NTN1: variants seen among roughly 807,000 people sequenced by gnomAD.
NTN1 encodes the protein netrin 1.
NTN1 carries 11 observed loss-of-function variants against 54.2 expected under a neutral mutation model. That is an observed-to-expected ratio of 0.20 (90% CI 0.13 to 0.34). The LOEUF is 0.34. Ranked by LOEUF, NTN1 falls within the 10% of genes least tolerant of loss-of-function variation. The probability of loss-of-function intolerance (pLI) is 1.00; values close to 1 mark genes in which losing one functional copy is unlikely to be tolerated. For synonymous variants in NTN1, 371 were observed against 382.0 expected, an observed-to-expected ratio of 0.97 and a Z score of 0.33; for missense variants, 740 against 893.1, an observed-to-expected ratio of 0.83 and a Z score of 2.18.
At chr17:9,119,128 C>G (rs2092224336) in intron 2 of NTN1, among the ~76,000 whole-genome samples, 1 of 152,226 alleles carries the variant, frequency 6.6e-6, no homozygotes, top group Non-Finnish European at 1.5e-5. Flanking sequence ...GTTCTGGTTT[C>G]TCCACATCCT....
intron 2 of NTN1, among the ~76,000 whole-genome samples, chr17:9,113,955 G>A (rs995982431): frequency 7.9e-5 from 12 of 151,488 alleles, no homozygotes; most frequent in Non-Finnish European, 1.6e-4. Context: ...TTGAGGTCAG[G>A]AGTTTGAGAC....
At chr17:9,166,876 ACT>A (rs1379249773) in intron 3 of NTN1, among the ~76,000 whole-genome samples, 1 of 152,024 alleles carries the variant, frequency 6.6e-6, no homozygotes, top group Non-Finnish European at 1.5e-5. Flanking sequence ...TGATTGGCTG[ACT>A]CTGGACCTTG....
the NTN1 span, among the ~76,000 whole-genome samples, chr17:9,012,465 C>G: frequency 6.6e-6 from 1 of 151,684 alleles, no homozygotes; most frequent in African/African-American, 2.4e-5. Flanking sequence ...GAGCTGAGAT[C>G]GCACCACTGC....
intron 6 of NTN1, among the ~76,000 whole-genome samples, chr17:9,233,249 C>A (rs1042717848): frequency 6.6e-6 from 1 of 152,098 alleles, no homozygotes; most frequent in Admixed American, 6.5e-5. Flanking sequence ...GGGCCAGCAG[C>A]CCCCAGAGTC....
chr17:9,156,022 A>ACTCAGT (rs2092340955), intron 2 of NTN1, among the ~76,000 whole-genome samples: 5 of 151,982 alleles, frequency 3.3e-5, no homozygotes, highest in Admixed American at 6.6e-5. Flanking sequence ...CCTGGTCCTT[A>ACTCAGT]CCCAGGAGCC....
chr17:9,219,988 C>T lies in NTN1; in HGVS notation c.1412-1180C>T, dbSNP rs540025610. 1.5e-4 allele frequency among the ~76,000 whole-genome samples: 23 copies of T among 152,352 alleles called. No individual in the cohort carries two copies. Among genetic ancestry groups the T allele is most frequent in the East Asian group, 9.7e-4 (5 of 5,180 alleles). The stretch of plus-strand genomic sequence containing the variant: ...CCCCCTGCAGCTCCCTGCAGCTCCC[C>T]GCTCCTCCCCGCTGGCCAGCCTGGC... On this transcript the variant is annotated intron_variant, in intron 5 of 6. Transcript: ENST00000173229. This position sits in a 1 kb window ranked among gnomAD's most constrained non-coding sequence, Gnocchi z 4.5.
chr17:9,013,823 T>A, the NTN1 span, among the ~76,000 whole-genome samples: 1 of 152,158 alleles, frequency 6.6e-6, no homozygotes, highest in Non-Finnish European at 1.5e-5. Flanking sequence ...GCACCCTTTG[T>A]TCCTTCCTCA....
At chr17:9,030,203 GCACAGTTCTA>G (rs1411256451) in intron 2 of NTN1, among the ~76,000 whole-genome samples, 1 of 152,058 alleles carries the variant, frequency 6.6e-6, no homozygotes, top group African/African-American at 2.4e-5. Flanking sequence ...CCTGCCCCAA[GCACAGTTCTA>G]TCAGAGGCAG....
intron 6 of NTN1, among the ~76,000 whole-genome samples, chr17:9,236,417 T>A (rs1905991751): frequency 6.6e-6 from 1 of 152,168 alleles, no homozygotes; most frequent in Non-Finnish European, 1.5e-5. Flanking sequence ...CTGTTTGAGG[T>A]CACTGTTGCA....
In NTN1 at chr17:9,135,918, C is replaced by G. The variant is rs2092279459; in HGVS notation, c.1019-26895C>G. Among the ~76,000 whole-genome samples the G allele has an allele frequency of 6.6e-6, 1 of 152,182 alleles. No individual in the cohort carries two copies. Among genetic ancestry groups the G allele is most frequent in the Admixed American group, 6.5e-5 (1 of 15,282 alleles). On this transcript the variant is annotated intron_variant, in intron 2 of 6. Coordinates refer to ENST00000173229, the MANE Select transcript of NTN1 (RefSeq NM_004822.3). The surrounding 1 kb of genome is among the most constrained non-coding windows in gnomAD (Gnocchi z 4.4). ...TCAGAGGGCAGCATGAACACTGCCA[C>G]CCCAAACGTGTCTGTGTGCGCACGC...
chr17:9,026,677 G>A (rs2091872278), intron 2 of NTN1, among the ~76,000 whole-genome samples: 1 of 148,352 alleles, frequency 6.7e-6, no homozygotes. Flanking sequence ...TTTTTCAAAA[G>A]AGCATCTGAA....
chr17:9,041,261 C>T (rs553456490), intron 2 of NTN1, among the ~76,000 whole-genome samples: 6 of 152,104 alleles, frequency 3.9e-5, no homozygotes, highest in African/African-American at 1.2e-4. Context: ...GTATGTTCGT[C>T]GATTGGTACA....
At chr17:9,157,347 T>G (rs1252366071) in intron 2 of NTN1, among the ~76,000 whole-genome samples, 1 of 152,180 alleles carries the variant, frequency 6.6e-6, no homozygotes, top group Non-Finnish European at 1.5e-5. Context: ...GCTAGAACAC[T>G]GTGAGTATGC....
chr17:9,151,296 G>C (rs1168207386), intron 2 of NTN1, among the ~76,000 whole-genome samples: 1 of 152,122 alleles, frequency 6.6e-6, no homozygotes, highest in Non-Finnish European at 1.5e-5. Context: ...CTGAAGGACT[G>C]TTGACAGAAG....
intron 4 of NTN1, among the ~76,000 whole-genome samples, chr17:9,181,627 A>AG (rs1018958442): frequency 5.9e-4 from 90 of 152,330 alleles, no homozygotes; most frequent in African/African-American, 2.1e-3. Context: ...AAAGGAGCAG[A>AG]GGATGCCTCC....
rs556679880 is a variant in NTN1, at chr17:9,202,677, A to C, written c.1412-18491A>C. Among the ~76,000 whole-genome samples the C allele has an allele frequency of 1.0e-3, 153 of 152,320 alleles. 1 individual carries two copies. Among genetic ancestry groups the C allele is most frequent in the African/African-American group, 3.4e-3 (142 of 41,558 alleles). On this transcript the variant is annotated intron_variant, in intron 5 of 6. Transcript: ENST00000173229. ...TTGAAATGCCACAAAACTGTAAAAA[A>C]AAATTTGGAGTGGAAATCTCTTCCA...
intron 4 of NTN1, among the ~76,000 whole-genome samples, chr17:9,181,007 G>A (rs946290459): frequency 1.3e-5 from 2 of 152,178 alleles, no homozygotes; most frequent in Non-Finnish European, 2.9e-5. Flanking sequence ...TCCCGTCAGG[G>A]AATTAGGAGT....
chr17:9,229,018 G>C (rs1425112585), intron 6 of NTN1, among the ~76,000 whole-genome samples: 1 of 51,582 alleles, frequency 1.9e-5, no homozygotes, highest in Non-Finnish European at 3.6e-5. Flanking sequence ...AAGTGTGACT[G>C]TGTGAGACTG....
At chr17:9,098,951 A>G (rs1055534185) in intron 2 of NTN1, among the ~76,000 whole-genome samples, 5 of 152,224 alleles carry the variant, frequency 3.3e-5, no homozygotes, top group African/African-American at 7.2e-5. Flanking sequence ...AACATTGAGT[A>G]TATTCTTCTG....
Sources: gnomAD v4.1 joint callset for allele counts (sites outside exome capture counted in the v4.1 genomes callset) on GRCh38, gnomAD v4.1.1 for gene constraint, Gnocchi (gnomAD v3.1) non-coding constraint, MANE v1.5 for transcripts, NCBI Gene and HGNC (gene_info 2026-07-23, HGNC 2026-07-21) for gene names.